ASTN2: variants seen among roughly 807,000 people sequenced by gnomAD.
ASTN2 encodes astrotactin-2.
Under a neutral mutation model 139.8 loss-of-function variants are expected in ASTN2, and 54 were observed. The observed-to-expected ratio is 0.39, with a 90% CI of 0.31 to 0.48. The LOEUF (loss-of-function observed/expected upper bound fraction) is 0.48, where lower values mean the gene tolerates loss of function less well. Ranked by LOEUF, ASTN2 falls within the 20% of genes least tolerant of loss-of-function variation. The probability of loss-of-function intolerance (pLI) is 0.95; values close to 1 mark genes in which losing one functional copy is unlikely to be tolerated. For missense variants in ASTN2, 1,565 were observed against 1,725.1 expected (o/e 0.91, Z 1.64); for synonymous variants, 756 against 719.5 (o/e 1.05, Z -0.81).
chr9:116,553,350 G>A (rs12353296), intron 19 of ASTN2, among the ~76,000 whole-genome samples: 2,392 of 152,222 alleles, frequency 0.016, 65 homozygotes, highest in African/African-American at 0.054. Context: ...CCTAGCGGAG[G>A]GAGGGAAGTC....
At chr9:116,626,400 C>G (rs1263032354) in intron 17 of ASTN2, among the ~76,000 whole-genome samples, 1 of 151,698 alleles carries the variant, frequency 6.6e-6, no homozygotes, top group East Asian at 1.9e-4. Context: ...ATGTTATAAA[C>G]ATACTTATAT....
At chr9:116,744,851 C>T (rs1050744694) in intron 13 of ASTN2, among the ~76,000 whole-genome samples, 1 of 152,220 alleles carries the variant, frequency 6.6e-6, no homozygotes, top group Non-Finnish European at 1.5e-5. Flanking sequence ...CCTCTGCTAG[C>T]TGTCAGTCCA....
chr9:117,095,141 G>T (rs574708502), intron 5 of ASTN2, among the ~76,000 whole-genome samples: 112 of 152,304 alleles, frequency 7.4e-4, no homozygotes, highest in African/African-American at 2.7e-3. Flanking sequence ...TTTTCAGTGG[G>T]TGGGTAAAGC....
chr9:116,651,051 C>T (rs1011717518), intron 17 of ASTN2, among the ~76,000 whole-genome samples: 4 of 151,664 alleles, frequency 2.6e-5, no homozygotes, highest in Admixed American at 6.6e-5. Context: ...AACGTAGCTG[C>T]GATTACAGAT....
At chr9:117,057,175 C>A (rs915633151) in intron 5 of ASTN2, among the ~76,000 whole-genome samples, 1 of 152,174 alleles carries the variant, frequency 6.6e-6, no homozygotes, top group African/African-American at 2.4e-5. Flanking sequence ...AGACCATAGA[C>A]CCAGTGAATT....
intron 1 of ASTN2, among the ~76,000 whole-genome samples, chr9:117,352,626 C>T (rs1288706081): frequency 6.6e-6 from 1 of 152,122 alleles, no homozygotes; most frequent in Non-Finnish European, 1.5e-5. Flanking sequence ...AGCACTTTAT[C>T]TTTAGTGTTT....
chr9:116,904,067 T>C (rs1472485449), intron 10 of ASTN2, among the ~76,000 whole-genome samples: 3 of 152,234 alleles, frequency 2.0e-5, no homozygotes, highest in Non-Finnish European at 4.4e-5. Flanking sequence ...GTCCCCATCC[T>C]TCTACCATCC....
intron 1 of ASTN2, among the ~76,000 whole-genome samples, chr9:117,348,217 G>T (rs1270827933): frequency 6.6e-6 from 1 of 152,142 alleles, no homozygotes; most frequent in Admixed American, 6.5e-5. Flanking sequence ...AAATGAAGTG[G>T]ATATTCAAGG....
At chr9:116,731,229 C>G (rs1391794295) in intron 14 of ASTN2, among the ~76,000 whole-genome samples, 1 of 148,264 alleles carries the variant, frequency 6.7e-6, no homozygotes, top group Non-Finnish European at 1.5e-5. Context: ...AATAATAAAT[C>G]TTTTGAAATG....
In ASTN2 at chr9:116,733,586, C is replaced by T. The variant is rs1828845012; in HGVS notation, c.2397-63G>A. 1.2e-5 allele frequency: 19 copies of T among 1,601,410 alleles called. No individual in the cohort carries two copies. In the East Asian group the frequency reaches 4.3e-4, roughly 36 times the overall value. On this transcript the variant is annotated intron_variant, in intron 13 of 22. Coordinates refer to ENST00000313400, the MANE Select transcript of ASTN2 (RefSeq NM_001365068.1). Reference sequence around the variant, plus strand: ...GTGGAGACTGCTGAGGACTACAGGGCAAGGAGGCAGGATGCTGTAGTCAGA... The same window carrying T: ...GTGGAGACTGCTGAGGACTACAGGGTAAGGAGGCAGGATGCTGTAGTCAGA...
chr9:117,211,361 G>A (rs1245849149), intron 3 of ASTN2, among the ~76,000 whole-genome samples: 1 of 152,192 alleles, frequency 6.6e-6, no homozygotes, highest in Non-Finnish European at 1.5e-5. Context: ...TTGGGGGAGA[G>A]AACTGGTGGT....
chr9:116,933,979 C>CTTTTTTTTTT lies in ASTN2; in HGVS notation c.1889+41219_1889+41228dup, dbSNP rs148724828. On this transcript the variant is annotated intron_variant, in intron 10 of 22. Coordinates refer to ENST00000313400, the MANE Select transcript of ASTN2 (RefSeq NM_001365068.1). ...ACCTCAGTTGTGCGAAGTGTTAGTC[C>CTTTTTTTTTT]TTTTTTTTTTTTTTTTTTTTTTTCT... Among the ~76,000 whole-genome samples, 368 of 86,814 alleles carry CTTTTTTTTTT rather than the reference C, an allele frequency of 4.2e-3. 68 individuals are homozygous for CTTTTTTTTTT. Among genetic ancestry groups the CTTTTTTTTTT allele is most frequent in the Middle Eastern group, 6.0e-3 (1 of 166 alleles). The allele number at this position is 86,814 out of a possible 152,430, so 57.0% of individuals were successfully genotyped here.
At chr9:117,325,623 T>C (rs1288563781) in intron 1 of ASTN2, among the ~76,000 whole-genome samples, 1 of 152,138 alleles carries the variant, frequency 6.6e-6, no homozygotes. Context: ...TCACGGAGAC[T>C]GATAAGGAAG....
chr9:117,179,195 C>A (rs528102648), intron 3 of ASTN2, among the ~76,000 whole-genome samples: 2 of 152,142 alleles, frequency 1.3e-5, no homozygotes, highest in Non-Finnish European at 2.9e-5. Context: ...AGAATTCCAA[C>A]CACCAGAGCT....
chr9:116,668,054 G>A (rs1433103822), intron 16 of ASTN2, among the ~76,000 whole-genome samples: 1 of 152,054 alleles, frequency 6.6e-6, no homozygotes, highest in African/African-American at 2.4e-5. Flanking sequence ...TAAAAATACG[G>A]TGTGCTCCAC....
chr9:116,750,699 C>T (rs940535638), intron 13 of ASTN2, among the ~76,000 whole-genome samples: 1 of 152,102 alleles, frequency 6.6e-6, no homozygotes, highest in Non-Finnish European at 1.5e-5. Flanking sequence ...CTTGCATATT[C>T]CTTCTTATTC....
chr9:117,169,523 A>G (rs1830742986), intron 3 of ASTN2, among the ~76,000 whole-genome samples: 1 of 152,128 alleles, frequency 6.6e-6, no homozygotes, highest in Non-Finnish European at 1.5e-5. Context: ...AACAGAGGGT[A>G]TTAATTATTA....
chr9:116,904,953 C>G (rs1036271625), intron 10 of ASTN2, among the ~76,000 whole-genome samples: 1 of 152,116 alleles, frequency 6.6e-6, no homozygotes, highest in South Asian at 2.1e-4. Context: ...ACCCTCCGCA[C>G]CCCCAACTCT....
chr9:116,462,087 G>A (rs1245502229), intron 20 of ASTN2, among the ~76,000 whole-genome samples: 3 of 152,230 alleles, frequency 2.0e-5, no homozygotes, highest in East Asian at 3.9e-4. Context: ...TCATCCAACC[G>A]GTAATTGGCA....
Sources: gnomAD v4.1 joint callset for allele counts (sites outside exome capture counted in the v4.1 genomes callset) on GRCh38, gnomAD v4.1.1 for gene constraint, MANE v1.5 for transcripts, NCBI Gene and HGNC (gene_info 2026-07-23, HGNC 2026-07-21) for gene names.